Variants in FBXL20 observed in about 807,000 individuals in gnomAD.
FBXL20 encodes F-box/LRR-repeat protein 20.
FBXL20 carries 11 observed loss-of-function variants against 64.0 expected under a neutral mutation model. The ratio of observed to expected loss-of-function variants is 0.17; its 90% CI spans 0.11 to 0.28. The LOEUF (loss-of-function observed/expected upper bound fraction) is 0.28. FBXL20 is among the 10% of genes least tolerant of loss of function. The pLI, the probability that FBXL20 is intolerant of heterozygous loss-of-function variation, is 1.00. For synonymous variants in FBXL20, 184 were observed against 189.0 expected (o/e 0.97, Z 0.22); for missense variants, 303 against 526.2 (o/e 0.58, Z 4.15).
At chr17:39,326,605 G>C (rs1367693940) in intron 2 of FBXL20, among the ~76,000 whole-genome samples, 1 of 151,444 alleles carries the variant, frequency 6.6e-6, no homozygotes, top group African/African-American at 2.4e-5. Context: ...CTGCGTGACA[G>C]AGCAAGACCC....
chr17:39,336,725 G>A (rs867144942), intron 2 of FBXL20, among the ~76,000 whole-genome samples: 7 of 151,774 alleles, frequency 4.6e-5, no homozygotes, highest in Admixed American at 6.6e-5. Context: ...TCAGGAGGCC[G>A]AGGCAGGAGA....
chr17:39,281,178 T>A (rs1006693625), intron 9 of FBXL20, among the ~76,000 whole-genome samples: 2 of 152,204 alleles, frequency 1.3e-5, no homozygotes, highest in African/African-American at 4.8e-5. Context: ...GAATTCTGCA[T>A]AAGCTAGCTA....
chr17:39,325,959 G>C (rs2047404934), intron 2 of FBXL20, among the ~76,000 whole-genome samples: 1 of 152,140 alleles, frequency 6.6e-6, no homozygotes, highest in South Asian at 2.1e-4. Context: ...AGAGGTATTA[G>C]ATCATGGGGG....
chr17:39,288,930 C>T (rs2047012657), intron 6 of FBXL20, among the ~76,000 whole-genome samples: 1 of 152,062 alleles, frequency 6.6e-6, no homozygotes, highest in Non-Finnish European at 1.5e-5. Flanking sequence ...TTTTCAAACT[C>T]TTGACCTTGT....
rs376959993 is a variant in FBXL20, at chr17:39,292,395, C to G, written c.398+4732G>C. Among the ~76,000 whole-genome samples, 44 of 150,170 alleles carry G rather than the reference C, an allele frequency of 2.9e-4. 3 individuals carry two copies. Among genetic ancestry groups the G allele is most frequent in the East Asian group, 1.4e-3 (7 of 5,182 alleles). On this transcript the variant is annotated intron_variant, in intron 6 of 14. Coordinates refer to ENST00000264658, the MANE Select transcript of FBXL20 (RefSeq NM_032875.3). ...AATTTCTTATGTACTTATTTACTTA[C>G]TTTTTGAAATGTGGTCTTGATAGGT...
At position 39,261,145 on chromosome 17, in the gene FBXL20, G is replaced by C. The variant is rs2046741642; in HGVS notation, c.*315C>G. Reference sequence around the variant, plus strand: ...TAAAAACCACAGTAGCATTAACACGGGGTTTGCTGGAATGCCCCTCCCTAT... The same window carrying C: ...TAAAAACCACAGTAGCATTAACACGCGGTTTGCTGGAATGCCCCTCCCTAT... On this transcript the variant is annotated 3_prime_UTR_variant, in exon 15 of 15. Coordinates refer to ENST00000264658, the MANE Select transcript of FBXL20 (RefSeq NM_032875.3). 1 of 283,174 alleles carries C rather than the reference G, an allele frequency of 3.5e-6. No homozygotes were observed. The highest frequency in any genetic ancestry group is 6.8e-6 in the Non-Finnish European group (1 of 146,340). The allele number at this position is 283,174 out of a possible 1,614,324, so 17.5% of individuals were successfully genotyped here. A position where few individuals can be genotyped will look rare whatever the true frequency, so the allele number is the denominator to read the frequency against.
chr17:39,288,042 C>T (rs531841683), intron 6 of FBXL20, among the ~76,000 whole-genome samples: 1 of 149,068 alleles, frequency 6.7e-6, no homozygotes, highest in African/African-American at 2.5e-5. Flanking sequence ...CAGCTCACTG[C>T]AACCTCTGCC....
Position 39,254,067 on chromosome 17 carries a change from A to G in FBXL20, c.*7393T>C, listed in dbSNP as rs1207976081. On this transcript the variant is annotated 3_prime_UTR_variant, in exon 15 of 15. Transcript: ENST00000264658. ...AATGGCAAGAGAAACTTAGTGAAGCAAAGTTTTCTTTTCTTTTCTCTTTTT... is the reference window on the plus strand; with the variant it reads ...AATGGCAAGAGAAACTTAGTGAAGCGAAGTTTTCTTTTCTTTTCTCTTTTT... 3 of 152,226 alleles carry G rather than the reference A, an allele frequency of 2.0e-5. No individual in the cohort carries two copies. The highest frequency in any genetic ancestry group is 4.4e-5 in the Non-Finnish European group (3 of 68,044). The allele number at this position is 152,226 out of a possible 1,614,324, so 9.4% of individuals were successfully genotyped here.
At position 39,285,580 on chromosome 17, in the gene FBXL20, AATGG is replaced by A. The variant is rs1170348472; in HGVS notation, c.399-11_399-8del. On this transcript the variant is annotated splice_polypyrimidine_tract_variant and splice_region_variant and intron_variant, in intron 6 of 14. Coordinates refer to ENST00000264658, the MANE Select transcript of FBXL20 (RefSeq NM_032875.3). ...GCTAAGGCTAGTACATGTACTGAAAAATGGAAAAAGGAGAAAATAATGAATAAAC... is the reference window on the plus strand; with the variant it reads ...GCTAAGGCTAGTACATGTACTGAAAAAAAAAGGAGAAAATAATGAATAAAC... 1.3e-6 allele frequency: 2 copies of A among 1,578,866 alleles called. No individual in the cohort carries two copies. Among genetic ancestry groups the A allele is most frequent in the African/African-American group, 2.7e-5 (2 of 73,842 alleles).
chr17:39,389,258 T>C (rs1293503824), intron 1 of FBXL20, among the ~76,000 whole-genome samples: 1 of 152,138 alleles, frequency 6.6e-6, no homozygotes, highest in African/African-American at 2.4e-5. Flanking sequence ...AAAGTTATAG[T>C]ATTAAAGAAA....
intron 1 of FBXL20, among the ~76,000 whole-genome samples, chr17:39,360,020 ATGT>A (rs1324138992): frequency 7.2e-5 from 11 of 152,304 alleles, no homozygotes; most frequent in South Asian, 2.1e-4. Flanking sequence ...TATTAAAATT[ATGT>A]TGTTTTATGA....
At chr17:39,346,479 C>T (rs992036766) in intron 1 of FBXL20, among the ~76,000 whole-genome samples, 49 of 152,068 alleles carry the variant, frequency 3.2e-4, no homozygotes, top group African/African-American at 1.1e-3. Context: ...GAACTCTGGA[C>T]TAGTAGGAAG....
intron 2 of FBXL20, among the ~76,000 whole-genome samples, chr17:39,339,797 C>A (rs1166130195): frequency 6.6e-6 from 1 of 151,908 alleles, no homozygotes; most frequent in African/African-American, 2.4e-5. Flanking sequence ...GCGCGCACCA[C>A]CACACCTGGC....
chr17:39,278,569 A>C (rs1482952304), intron 9 of FBXL20, among the ~76,000 whole-genome samples: 1 of 117,160 alleles, frequency 8.5e-6, no homozygotes, highest in Admixed American at 1.0e-4. Context: ...TTTTTTTGAG[A>C]TGGAGTCTGG....
At chr17:39,337,815 G>A (rs1203897257) in intron 2 of FBXL20, among the ~76,000 whole-genome samples, 2 of 149,286 alleles carry the variant, frequency 1.3e-5, no homozygotes, top group Non-Finnish European at 3.0e-5. Context: ...CGTCCAGGAG[G>A]GAGGTGGGGG....
chr17:39,333,693 A>T (rs553432132), intron 2 of FBXL20, among the ~76,000 whole-genome samples: 2 of 151,172 alleles, frequency 1.3e-5, no homozygotes, highest in South Asian at 4.2e-4. Context: ...CCCGTCTAGG[A>T]AGTGAGGAGC....
chr17:39,310,153 T>TAA (rs34838706), intron 2 of FBXL20, among the ~76,000 whole-genome samples: 42,136 of 134,264 alleles, frequency 0.31, 7,123 homozygotes, highest in African/African-American at 0.48. Flanking sequence ...TCTACAAATT[T>TAA]AAAAAAAAAA....
chr17:39,308,407 A>T (rs1325363024), intron 2 of FBXL20, among the ~76,000 whole-genome samples: 2 of 152,020 alleles, frequency 1.3e-5, no homozygotes, highest in East Asian at 3.9e-4. Flanking sequence ...AGGAAAGAGG[A>T]TCACTTGAGC....
chr17:39,402,351 C>T, upstream of FBXL20: 1 of 585,194 alleles, frequency 1.7e-6, no homozygotes, highest in Non-Finnish European at 2.5e-6. Flanking sequence ...TGCAGGGAGG[C>T]CTGGGGGGCC....
Sources: gnomAD v4.1 joint callset for allele counts (sites outside exome capture counted in the v4.1 genomes callset) on GRCh38, gnomAD v4.1.1 for gene constraint, MANE v1.5 for transcripts, NCBI Gene and HGNC (gene_info 2026-07-23, HGNC 2026-07-21) for gene names.